Variants in DYNC1I2 observed in about 807,000 individuals in gnomAD.
DYNC1I2 encodes dynein cytoplasmic 1 intermediate chain 2.
A neutral mutation model predicts 88.6 loss-of-function variants in DYNC1I2; 53 were observed. That is an observed-to-expected ratio of 0.60 (90% CI 0.48 to 0.75). The LOEUF (loss-of-function observed/expected upper bound fraction) is 0.75, where lower values mean the gene tolerates loss of function less well. Ranked by LOEUF, DYNC1I2 falls within the 30% of genes least tolerant of loss-of-function variation. The pLI is 0.00. For synonymous variants in DYNC1I2, 198 were observed against 254.6 expected, an observed-to-expected ratio of 0.78 and a Z score of 2.12; for missense variants, 458 against 766.6, an observed-to-expected ratio of 0.60 and a Z score of 4.75.
At chr2:171,732,865 T>A (rs564892276) in intron 15 of DYNC1I2, among the ~76,000 whole-genome samples, 12 of 152,340 alleles carry the variant, frequency 7.9e-5, no homozygotes, top group Non-Finnish European at 1.0e-4. Context: ...ATCTTTTTTT[T>A]AAAACTTTTA....
chr2:171,715,302 G>C (rs1274418720), intron 6 of DYNC1I2, 26 bp from the exon 7 acceptor site: 1 of 1,393,628 alleles, frequency 7.2e-7, no homozygotes, highest in Non-Finnish European at 9.9e-7. Flanking sequence ...AGTTAAAATT[G>C]TGTTGTTTGT....
At chr2:171,694,042 CTT>C (rs956017843) in intron 3 of DYNC1I2, among the ~76,000 whole-genome samples, 7 of 141,084 alleles carry the variant, frequency 5.0e-5, no homozygotes, top group Non-Finnish European at 4.7e-5. Context: ...TTTCTTTCTT[CTT>C]TTTTTTTTTT....
chr2:171,694,590 G>C (rs537731162), intron 3 of DYNC1I2, among the ~76,000 whole-genome samples: 1 of 152,262 alleles, frequency 6.6e-6, no homozygotes, highest in African/African-American at 2.4e-5. Context: ...CTGGGAGGCA[G>C]AGGTTGTGGT....
intron 3 of DYNC1I2, among the ~76,000 whole-genome samples, chr2:171,697,966 TTAG>T (rs1685913713): frequency 1.3e-5 from 2 of 152,234 alleles, no homozygotes; most frequent in Non-Finnish European, 2.9e-5. Context: ...TTGTATCATA[TTAG>T]TAGCACATCT....
At chr2:171,713,471 C>T (rs1401462628) in intron 6 of DYNC1I2, among the ~76,000 whole-genome samples, 5 of 149,918 alleles carry the variant, frequency 3.3e-5, no homozygotes, top group Non-Finnish European at 5.9e-5. Context: ...CTTAGTGAAA[C>T]GTTAGAAAAC....
At chr2:171,712,549 C>CA in intron 5 of DYNC1I2, 1 of 485,918 alleles carries the variant, frequency 2.1e-6, no homozygotes, top group South Asian at 3.9e-5. Flanking sequence ...TGTATGCTTG[C>CA]ATCTTTAACC....
intron 10 of DYNC1I2, 77 bp downstream of exon 10, chr2:171,726,370 G>T: frequency 2.0e-6 from 2 of 1,004,228 alleles, no homozygotes; most frequent in Non-Finnish European, 1.4e-6. Context: ...TTTAATTATG[G>T]GAATTTTGTA....
chr2:171,725,822 T>C (rs1490721166), intron 8 of DYNC1I2, 97 bp from the exon 9 acceptor site: 1 of 1,310,228 alleles, frequency 7.6e-7, no homozygotes, highest in East Asian at 2.4e-5. Context: ...GTGAATCTGA[T>C]TGAAAAATAA....
chr2:171,747,058 G>A (rs1281352452), intron 17 of DYNC1I2, among the ~76,000 whole-genome samples: 1 of 151,644 alleles, frequency 6.6e-6, no homozygotes, highest in African/African-American at 2.4e-5. Context: ...GCCAGGCATG[G>A]TGGCACATAC....
At chr2:171,728,944 C>A (rs950472751) in intron 14 of DYNC1I2, 94 bp downstream of exon 14, 8 of 1,329,200 alleles carry the variant, frequency 6.0e-6, no homozygotes, top group African/African-American at 1.5e-5. Context: ...TGTCGTAGAT[C>A]TACTTGTTAT....
intron 6 of DYNC1I2, among the ~76,000 whole-genome samples, chr2:171,714,748 C>T (rs1687368686): frequency 6.6e-6 from 1 of 152,110 alleles, no homozygotes; most frequent in Non-Finnish European, 1.5e-5. Flanking sequence ...TAATGTGAAT[C>T]AAGGACAGTA....
chr2:171,720,685 T>G (rs1687840304), intron 7 of DYNC1I2, among the ~76,000 whole-genome samples: 1 of 152,178 alleles, frequency 6.6e-6, no homozygotes, highest in Non-Finnish European at 1.5e-5. Flanking sequence ...GAGCCACGAT[T>G]GTGCCATTGC....
At chr2:171,721,182 G>A (rs907917517) in intron 7 of DYNC1I2, among the ~76,000 whole-genome samples, 1 of 147,852 alleles carries the variant, frequency 6.8e-6, no homozygotes, top group African/African-American at 2.5e-5. Flanking sequence ...GTTAAAGGAA[G>A]TGGTATAATT....
At chr2:171,692,918 T>C in intron 3 of DYNC1I2, 24 bp downstream of exon 3, 1 of 1,495,470 alleles carries the variant, frequency 6.7e-7, no homozygotes, top group Non-Finnish European at 9.2e-7. Context: ...TATATCCATT[T>C]ATAAGAGATA....
At position 171,691,789 on chromosome 2, in the gene DYNC1I2, C is replaced by T. The variant is rs574707672; in HGVS notation, c.109-988C>T. Reference sequence around the variant, plus strand: ...AATGGGTTCTAAGGGATATCTATTGCATGATTTATACCTAATTTAAAGCTT... The same window carrying T: ...AATGGGTTCTAAGGGATATCTATTGTATGATTTATACCTAATTTAAAGCTT... On this transcript the variant is annotated intron_variant, in intron 2 of 17. Coordinates refer to ENST00000397119, the MANE Select transcript of DYNC1I2 (RefSeq NM_001378.3). Among the ~76,000 whole-genome samples, 14 of 152,242 alleles carry T rather than the reference C, an allele frequency of 9.2e-5. No homozygotes were observed. In the South Asian group the frequency reaches 1.0e-3, roughly 11 times the overall value.
chr2:171,697,857 AAAAGAAAAGAAAAG>A (rs373017704), intron 3 of DYNC1I2, among the ~76,000 whole-genome samples: 2,475 of 17,526 alleles, frequency 0.14, 54 homozygotes, highest in African/African-American at 0.24. Context: ...CTATCTCAAG[AAAAGAAAAGAAAAG>A]AAAAGAAAAG....
intron 2 of DYNC1I2, among the ~76,000 whole-genome samples, chr2:171,691,678 T>C (rs1233784599): frequency 6.6e-6 from 1 of 152,196 alleles, no homozygotes; most frequent in Admixed American, 6.5e-5. Context: ...GCAGAGCTAT[T>C]CCAAAATAAT....
At chr2:171,700,673 C>T (rs965545714) in intron 3 of DYNC1I2, among the ~76,000 whole-genome samples, 1 of 151,910 alleles carries the variant, frequency 6.6e-6, no homozygotes, top group Non-Finnish European at 1.5e-5. Context: ...GCTGTGTCGC[C>T]CAGGCTGGAG....
At chr2:171,737,602 G>C (rs1689098130) in intron 15 of DYNC1I2, among the ~76,000 whole-genome samples, 1 of 152,142 alleles carries the variant, frequency 6.6e-6, no homozygotes, top group Non-Finnish European at 1.5e-5. Flanking sequence ...ATTTTTAGTA[G>C]AGACAGGGTT....
Sources: gnomAD v4.1 joint callset for allele counts (sites outside exome capture counted in the v4.1 genomes callset) on GRCh38, gnomAD v4.1.1 for gene constraint, MANE v1.5 for transcripts, NCBI Gene and HGNC (gene_info 2026-07-23, HGNC 2026-07-21) for gene names.